Variants in EXOSC10 observed in about 807,000 individuals in gnomAD.
EXOSC10 encodes the protein exosome component 10, also known as exosome complex component 10.
In EXOSC10, 94 loss-of-function variants were observed where a neutral mutation model predicts 126.6. The observed-to-expected ratio is 0.74, with a 90% CI of 0.63 to 0.88. The LOEUF (loss-of-function observed/expected upper bound fraction) is 0.88. EXOSC10 is among the 40% of genes least tolerant of loss of function. EXOSC10 has a pLI of 0.00. For synonymous variants in EXOSC10, 395 were observed against 400.8 expected (o/e 0.99, Z 0.17); for missense variants, 1,041 against 1,100.5 (o/e 0.95, Z 0.77).
chr1:11,077,336 G>C lies in EXOSC10; in HGVS notation c.1879+29C>G, dbSNP rs377424028. 5.0e-6 allele frequency: 8 copies of C among 1,597,534 alleles called. No homozygotes were observed. In the African/African-American group the frequency reaches 8.0e-5, roughly 16 times the overall value. On this transcript the variant is annotated intron_variant, in intron 16 of 24. Transcript: ENST00000376936. ...AAGGTAGCTGTGTCCCAACCTCTTC[G>C]GGACAGTCAGGAGGGCTCTCGACTT...
intron 3 of EXOSC10, among the ~76,000 whole-genome samples, chr1:11,095,094 C>G (rs1038884453): frequency 1.3e-5 from 2 of 151,814 alleles, no homozygotes; most frequent in African/African-American, 4.8e-5. Context: ...TGCCTGTAAT[C>G]CCAGCTACTC....
chr1:11,069,092 A>C (rs1167508615), intron 22 of EXOSC10, among the ~76,000 whole-genome samples: 1 of 152,112 alleles, frequency 6.6e-6, no homozygotes, highest in East Asian at 1.9e-4. Context: ...TCTTTTCCAA[A>C]GGAGCATGTT....
chr1:11,066,865 G>C lies in EXOSC10; in HGVS notation c.2628-117C>G, dbSNP rs1280088675. On this transcript the variant is annotated intron_variant, in intron 24 of 24. Coordinates refer to ENST00000376936, the MANE Select transcript of EXOSC10 (RefSeq NM_001001998.3). ...GAACAGAGGAAGAATGGTTTGCTCA[G>C]GGGCCCCAGAGAACTCGGCGGCCCA... 4 of 1,311,344 alleles carry C rather than the reference G, an allele frequency of 3.1e-6. No homozygotes were observed. The East Asian group carries it at 9.3e-5, about 30-fold the overall frequency. The allele number at this position is 1,311,344 out of a possible 1,614,324, so 81.2% of individuals were successfully genotyped here.
At chr1:11,078,197 C>A (rs1395512515) in intron 14 of EXOSC10, among the ~76,000 whole-genome samples, 1 of 151,538 alleles carries the variant, frequency 6.6e-6, no homozygotes, top group Non-Finnish European at 1.5e-5. Flanking sequence ...CTAGCAGATG[C>A]GAGGCTACAG....
At chr1:11,097,407 C>T (rs1387755667) in intron 2 of EXOSC10, among the ~76,000 whole-genome samples, 1 of 148,430 alleles carries the variant, frequency 6.7e-6, no homozygotes. Flanking sequence ...ATAAAAATAC[C>T]TGCTACTCTA....
At position 11,091,598 on chromosome 1, in the gene EXOSC10, C is replaced by T; in HGVS notation, c.373-1G>A. The T allele has an allele frequency of 3.7e-6, 6 of 1,611,700 alleles. No homozygotes were observed. The highest frequency in any genetic ancestry group is 5.1e-6 in the Non-Finnish European group (6 of 1,177,882). ...CTGAGGCTTCATCCAGTAAAATACCCTAAGAGTAGAAGAGGTACTGGTTAA... is the reference window on the plus strand; with the variant it reads ...CTGAGGCTTCATCCAGTAAAATACCTTAAGAGTAGAAGAGGTACTGGTTAA... On this transcript the variant is annotated splice_acceptor_variant, in intron 3 of 24. Coordinates refer to ENST00000376936, the MANE Select transcript of EXOSC10 (RefSeq NM_001001998.3). LOFTEE classifies it high-confidence loss of function.
intron 1 of EXOSC10, 59 bp from the exon 2 acceptor site, chr1:11,098,215 T>C: frequency 1.9e-6 from 3 of 1,541,654 alleles, no homozygotes; most frequent in Non-Finnish European, 2.6e-6. Context: ...ATTTGGTATG[T>C]CATTTTTTTG....
Position 11,066,722 on chromosome 1 carries a change from C to G in EXOSC10, c.2654G>C (p.Arg885Thr), listed in dbSNP as rs779194796. The G allele has an allele frequency of 6.2e-7, 1 of 1,614,254 alleles. No individual in the cohort carries two copies. Among genetic ancestry groups the G allele is most frequent in the Non-Finnish European group, 8.5e-7 (1 of 1,180,050 alleles). ...GGCGCCACGTGTCTTCCAGGACTAT[C>G]TCTGTGGCCAGTTGTACCTGAAGCC... ...DRGFRYNWPQR is the reference protein window; with the variant it reads ...DRGFRYNWPQT Residue 885 changes from arginine to threonine, a missense_variant, in exon 25 of 25, where the codon AGA becomes ACA. By Grantham distance (71) the Arg-to-Thr change is moderately conservative (BLOSUM62 -1). This residue lies in a region of EXOSC10 where 388 missense variants were observed against 415.2 expected (regional missense o/e 0.93). Transcript: ENST00000376936.
rs1181510108 is a variant in EXOSC10, at chr1:11,076,854, G to A, written c.1974C>T (p.Ile658=). The A allele has an allele frequency of 6.2e-7, 1 of 1,612,584 alleles. No individual in the cohort carries two copies. Among genetic ancestry groups the A allele is most frequent in the Admixed American group, 1.7e-5 (1 of 60,024 alleles). ...GTTCLIATAV[I]TLFNEPSAED... is the part of the protein sequence containing the mutation. ...CTGTGCTACTCACATTAAATAACGT[G>A]ATGACAGCTGTGGCAATCAGGCATG... Residue 658 remains isoleucine, a synonymous_variant, in exon 17 of 25, where the codon ATC becomes ATT. Transcript: ENST00000376936.
Position 11,069,381 on chromosome 1 carries a change from A to G in EXOSC10, c.2488+178T>C, listed in dbSNP as rs533151588. Among the ~76,000 whole-genome samples the G allele has an allele frequency of 6.3e-4, 96 of 152,232 alleles. 5 individuals are homozygous for G. In the South Asian group the frequency reaches 0.019, roughly 30 times the overall value. The stretch of plus-strand genomic sequence containing the variant: ...GTTGAGCTCCCATGGAGGAGGTGGT[A>G]ATGAGGCTGCAGGCGACTGTCCACA... On this transcript the variant is annotated intron_variant, in intron 22 of 24. Coordinates refer to ENST00000376936, the MANE Select transcript of EXOSC10 (RefSeq NM_001001998.3).
chr1:11,089,996 CTTTT>C (rs70977545), intron 6 of EXOSC10, among the ~76,000 whole-genome samples: 6 of 106,482 alleles, frequency 5.6e-5, no homozygotes, highest in Admixed American at 1.0e-4. Context: ...GCTTTTACAT[CTTTT>C]TTTTTTTTTT....
At chr1:11,075,668 T>C (rs1639768976) in intron 17 of EXOSC10, among the ~76,000 whole-genome samples, 1 of 151,990 alleles carries the variant, frequency 6.6e-6, no homozygotes, top group African/African-American at 2.4e-5. Flanking sequence ...CTGGGCGACA[T>C]GGTGAAACCC....
chr1:11,098,338 T>A (rs1641231320), intron 1 of EXOSC10, among the ~76,000 whole-genome samples, 182 bp from the exon 2 acceptor site: 1 of 152,156 alleles, frequency 6.6e-6, no homozygotes, highest in Admixed American at 6.5e-5. Flanking sequence ...GGAAACCAAG[T>A]TTGGAGCTTA....
intron 24 of EXOSC10, among the ~76,000 whole-genome samples, chr1:11,067,708 T>A (rs1639186822): frequency 6.6e-6 from 1 of 152,166 alleles, no homozygotes. Context: ...ATTTCACAAC[T>A]ATTTACACCT....
chr1:11,090,899 T>C (rs1640766465), intron 5 of EXOSC10, 115 bp downstream of exon 5: 9 of 1,144,922 alleles, frequency 7.9e-6, no homozygotes, highest in Middle Eastern at 2.0e-4. Context: ...TGGGCTCCCT[T>C]TGAACAAAGG....
intron 22 of EXOSC10, chr1:11,068,940 T>C: frequency 1.8e-6 from 1 of 568,296 alleles, no homozygotes; most frequent in Non-Finnish European, 3.1e-6. Flanking sequence ...CCCAGGACCT[T>C]AGGGGCAGGT....
intron 6 of EXOSC10, 42 bp from the exon 7 acceptor site, chr1:11,088,240 C>A: frequency 1.4e-6 from 2 of 1,468,822 alleles, no homozygotes; most frequent in Admixed American, 1.9e-5. Flanking sequence ...CTGATTAATT[C>A]CATGATTCAA....
chr1:11,069,546 A>G lies in EXOSC10; in HGVS notation c.2488+13T>C, dbSNP rs200633625. On this transcript the variant is annotated intron_variant, in intron 22 of 24. Coordinates refer to ENST00000376936, the MANE Select transcript of EXOSC10 (RefSeq NM_001001998.3). Reference sequence around the variant, plus strand: ...CACAGATGTCCCTGTATGGGGCCCCATTACTTCCTCACCAGCAAAAGCCTT... The same window carrying G: ...CACAGATGTCCCTGTATGGGGCCCCGTTACTTCCTCACCAGCAAAAGCCTT... 4 of 1,611,054 alleles carry G rather than the reference A, an allele frequency of 2.5e-6. No homozygotes were observed. The South Asian group carries it at 3.3e-5, about 13-fold the overall frequency.
rs1640784859 is a variant in EXOSC10 at position 11,091,173 on chromosome 1, C to T, written c.484G>A (p.Glu162Lys). The change falls in exon 5 of 25, where the codon GAA becomes AAA. Residue 162 changes from glutamate to lysine, a missense_variant. Physicochemically the swap from Glu to Lys is moderately conservative, Grantham distance 56. Coordinates refer to ENST00000376936, the MANE Select transcript of EXOSC10 (RefSeq NM_001001998.3). The part of the protein sequence containing the change: ...VVSSWNRKAA[E>K]YGKKAKSETF... Reference sequence around the variant, plus strand: ...TCAGATTTTGCTTTTTTGCCATATTCTGCTGCCTATGATCAATGAATACAA... The same window carrying T: ...TCAGATTTTGCTTTTTTGCCATATTTTGCTGCCTATGATCAATGAATACAA... 1 of 1,613,562 alleles carries T rather than the reference C, an allele frequency of 6.2e-7. No homozygotes were observed. The highest frequency in any genetic ancestry group is 1.3e-5 in the African/African-American group (1 of 74,892).
Sources: allele counts gnomAD v4.1 joint callset (sites outside exome capture counted in the v4.1 genomes callset), GRCh38; gene constraint gnomAD v4.1.1; regional missense constraint gnomAD v4.1.1; transcripts MANE v1.5; gene names NCBI Gene and HGNC (gene_info 2026-07-23, HGNC 2026-07-21).